EPM2A: variants seen among roughly 807,000 people sequenced by gnomAD.
EPM2A encodes laforin.
Under a neutral mutation model 26.5 loss-of-function variants are expected in EPM2A, and 21 were observed. That is an observed-to-expected ratio of 0.79 (90% CI 0.56 to 1.14). The LOEUF (loss-of-function observed/expected upper bound fraction) is 1.14, where lower values mean the gene tolerates loss of function less well. Ranked by LOEUF, EPM2A falls within the 50% of genes most tolerant of loss-of-function variation. The probability of loss-of-function intolerance (pLI) is 0.00; values close to 1 mark genes in which losing one functional copy is unlikely to be tolerated. For missense variants in EPM2A, 458 were observed against 440.8 expected (o/e 1.04, Z -0.35); for synonymous variants, 217 against 177.6 (o/e 1.22, Z -1.76).
intron 4 of EPM2A, among the ~76,000 whole-genome samples, chr6:145,484,721 A>G (rs1779651920): frequency 6.6e-6 from 1 of 151,986 alleles, no homozygotes; most frequent in African/African-American, 2.4e-5. Context: ...TACCATGTCC[A>G]CATAAATGTT....
At chr6:145,461,647 C>T (rs954246043) in intron 4 of EPM2A, among the ~76,000 whole-genome samples, 1 of 152,074 alleles carries the variant, frequency 6.6e-6, no homozygotes, top group Non-Finnish European at 1.5e-5. Flanking sequence ...AAGTGACTTT[C>T]TGGAGGAGAG....
chr6:145,434,804 T>TA (rs1236757308), intron 4 of EPM2A, among the ~76,000 whole-genome samples: 5 of 152,164 alleles, frequency 3.3e-5, no homozygotes, highest in Non-Finnish European at 7.3e-5. Context: ...CAACCACTGA[T>TA]ACAGTTTGGG....
At chr6:145,420,061 AG>A (rs1251921876) in intron 4 of EPM2A, among the ~76,000 whole-genome samples, 6 of 152,162 alleles carry the variant, frequency 3.9e-5, no homozygotes, top group African/African-American at 1.4e-4. Context: ...CAGCTTTGAC[AG>A]GATCATCTTC....
intron 4 of EPM2A, among the ~76,000 whole-genome samples, chr6:145,450,566 A>T (rs1383427735): frequency 1.3e-5 from 2 of 152,126 alleles, no homozygotes; most frequent in East Asian, 3.9e-4. Flanking sequence ...CTGACTTTGG[A>T]AGTTTTCTCA....
intron 3 of EPM2A, chr6:145,630,174 T>C (rs1776142621): frequency 6.6e-6 from 1 of 152,264 alleles, no homozygotes; most frequent in Admixed American, 6.5e-5. Flanking sequence ...ACATGTCAGC[T>C]AACATGCAGA....
At chr6:145,453,900 GTGT>G (rs1374533810) in intron 4 of EPM2A, among the ~76,000 whole-genome samples, 3 of 152,148 alleles carry the variant, frequency 2.0e-5, no homozygotes, top group Non-Finnish European at 4.4e-5. Flanking sequence ...TTATTTCATG[GTGT>G]TGTTTTCTTT....
chr6:145,433,334 G>A (rs530145893), intron 4 of EPM2A, among the ~76,000 whole-genome samples: 24 of 152,074 alleles, frequency 1.6e-4, no homozygotes, highest in East Asian at 1.5e-3. Flanking sequence ...AGCTTTCACC[G>A]GGCTTAGTCT....
At chr6:145,671,694 T>A (rs570039880) in intron 2 of EPM2A, among the ~76,000 whole-genome samples, 3 of 152,182 alleles carry the variant, frequency 2.0e-5, no homozygotes, top group Non-Finnish European at 4.4e-5. Context: ...AGTAATTAAC[T>A]TCATTCATTT....
At chr6:145,618,709 TA>T (rs1435152245) in intron 2 of EPM2A, among the ~76,000 whole-genome samples, 2 of 152,252 alleles carry the variant, frequency 1.3e-5, no homozygotes, top group African/African-American at 4.8e-5. Flanking sequence ...GTGAGTCAAT[TA>T]AACCTCTTTC....
intron 1 of EPM2A, among the ~76,000 whole-genome samples, chr6:145,687,524 T>C (rs909364324): frequency 1.3e-5 from 2 of 152,178 alleles, no homozygotes; most frequent in Non-Finnish European, 2.9e-5. Flanking sequence ...TTTCAAATCA[T>C]GCCTCTCTTT....
At chr6:145,423,658 G>A (rs1034409241) in intron 4 of EPM2A, among the ~76,000 whole-genome samples, 2 of 152,184 alleles carry the variant, frequency 1.3e-5, no homozygotes, top group African/African-American at 4.8e-5. Context: ...ACTTCAGGTG[G>A]AGATGCCCAC....
chr6:145,434,045 C>T (rs1778955111), intron 4 of EPM2A, among the ~76,000 whole-genome samples: 1 of 151,746 alleles, frequency 6.6e-6, no homozygotes, highest in African/African-American at 2.4e-5. Context: ...TTATTTTACC[C>T]TCTTTTTTTG....
At chr6:145,640,625 T>C (rs1288324769) in intron 2 of EPM2A, 5 of 152,212 alleles carry the variant, frequency 3.3e-5, no homozygotes, top group African/African-American at 1.2e-4. Flanking sequence ...GTTGCATTTA[T>C]CTTATTTAAT....
intron 2 of EPM2A, among the ~76,000 whole-genome samples, chr6:145,603,127 G>A (rs1246076060): frequency 1.3e-5 from 2 of 152,244 alleles, no homozygotes; most frequent in African/African-American, 2.4e-5. Flanking sequence ...ACTCTGAAAT[G>A]TCTATGCTTG....
At chr6:145,651,012 C>T (rs1475275030) in intron 2 of EPM2A, among the ~76,000 whole-genome samples, 4 of 152,196 alleles carry the variant, frequency 2.6e-5, no homozygotes, top group African/African-American at 9.6e-5. Flanking sequence ...CTGCCGCATC[C>T]TGCATGGATA....
intron 4 of EPM2A, among the ~76,000 whole-genome samples, chr6:145,432,507 T>TTC (rs1354620082): frequency 4.0e-5 from 6 of 151,884 alleles, no homozygotes; most frequent in African/African-American, 4.8e-5. Flanking sequence ...AGTCTTTTTT[T>TTC]TTTTTCTGAA....
chr6:145,402,737 G>A (rs1778507585), intron 4 of EPM2A, among the ~76,000 whole-genome samples: 1 of 152,080 alleles, frequency 6.6e-6, no homozygotes, highest in Non-Finnish European at 1.5e-5. Context: ...TGGTCTACCT[G>A]GGTGAATTCT....
At chr6:145,483,622 G>A (rs1779636139) in intron 4 of EPM2A, among the ~76,000 whole-genome samples, 1 of 152,098 alleles carries the variant, frequency 6.6e-6, no homozygotes, top group Non-Finnish European at 1.5e-5. Flanking sequence ...ATGCTTTAGG[G>A]TGACTTTGAA....
intron 2 of EPM2A, among the ~76,000 whole-genome samples, chr6:145,514,666 T>C (rs1162498248): frequency 1.3e-5 from 2 of 152,192 alleles, no homozygotes; most frequent in Non-Finnish European, 2.9e-5. Context: ...CCCCAAGTGA[T>C]ATTTGCCAAT....
Sources: allele counts gnomAD v4.1 joint callset (sites outside exome capture counted in the v4.1 genomes callset), GRCh38; gene constraint gnomAD v4.1.1; transcripts MANE v1.5; gene names NCBI Gene and HGNC (gene_info 2026-07-23, HGNC 2026-07-21).